Variants in MLLT3 observed in about 807,000 individuals in gnomAD.
The protein encoded by MLLT3 is MLLT3 super elongation complex subunit.
In MLLT3, 4 loss-of-function variants were observed where a neutral mutation model predicts 53.2. That is an observed-to-expected ratio of 0.08 (90% CI 0.04 to 0.17). The LOEUF (loss-of-function observed/expected upper bound fraction) is 0.17. Among genes scored for constraint, MLLT3 ranks in the 10% least tolerant of loss-of-function variants. The pLI is 1.00. For synonymous variants in MLLT3, 283 were observed against 230.6 expected, an observed-to-expected ratio of 1.23 and a Z score of -2.06; for missense variants, 569 against 684.0, an observed-to-expected ratio of 0.83 and a Z score of 1.87.
At chr9:20,531,138 C>A (rs1216364187) in intron 2 of MLLT3, among the ~76,000 whole-genome samples, 1 of 118,516 alleles carries the variant, frequency 8.4e-6, no homozygotes, top group African/African-American at 3.2e-5. Context: ...TATTCAGTTG[C>A]TTTTTTTTTT....
At chr9:20,453,499 GCTGCAGTGAGCTGAGA>G (rs1453419691) in intron 3 of MLLT3, among the ~76,000 whole-genome samples, 1 of 152,138 alleles carries the variant, frequency 6.6e-6, no homozygotes, top group Non-Finnish European at 1.5e-5. Context: ...GGAAGTGGAG[GCTGCAGTGAGCTGAGA>G]CTGCGCCACT....
chr9:20,383,988 A>G (rs973288351), intron 5 of MLLT3, among the ~76,000 whole-genome samples: 1 of 152,074 alleles, frequency 6.6e-6, no homozygotes, highest in African/African-American at 2.4e-5. Context: ...TAGAAAAAAG[A>G]AAGTGAAACT....
At chr9:20,581,868 T>C (rs1275513843) in intron 2 of MLLT3, among the ~76,000 whole-genome samples, 2 of 152,202 alleles carry the variant, frequency 1.3e-5, no homozygotes, top group Non-Finnish European at 2.9e-5. Flanking sequence ...TCTATATCAC[T>C]ATTTAAGGAG....
chr9:20,482,021 C>T (rs1014748489), intron 2 of MLLT3, among the ~76,000 whole-genome samples: 11 of 152,214 alleles, frequency 7.2e-5, no homozygotes, highest in African/African-American at 2.7e-4. Context: ...CCTCTCCTAC[C>T]TGTCTAGTTA....
At chr9:20,349,525 G>T (rs1246719315) in intron 10 of MLLT3, among the ~76,000 whole-genome samples, 2 of 147,806 alleles carry the variant, frequency 1.4e-5, no homozygotes, top group African/African-American at 5.0e-5. Flanking sequence ...AGAAAGGCCG[G>T]CTTGAATTAA....
chr9:20,350,878 A>C (rs1417923196), intron 10 of MLLT3, among the ~76,000 whole-genome samples: 4 of 152,224 alleles, frequency 2.6e-5, no homozygotes, highest in African/African-American at 4.8e-5. Context: ...TTATAATTTC[A>C]AAAACCAGGG....
chr9:20,439,611 G>A (rs969935689), intron 4 of MLLT3, among the ~76,000 whole-genome samples: 1 of 152,046 alleles, frequency 6.6e-6, no homozygotes, highest in Non-Finnish European at 1.5e-5. Flanking sequence ...GGGGATGGCG[G>A]AGAAAGAAAG....
chr9:20,457,627 C>G (rs911339489), intron 2 of MLLT3, among the ~76,000 whole-genome samples: 3 of 152,036 alleles, frequency 2.0e-5, no homozygotes, highest in African/African-American at 7.2e-5. Flanking sequence ...TGCATAACCT[C>G]CCTCCTTCAC....
chr9:20,376,160 G>A (rs1163485952), intron 5 of MLLT3, among the ~76,000 whole-genome samples: 1 of 152,038 alleles, frequency 6.6e-6, no homozygotes, highest in African/African-American at 2.4e-5. Flanking sequence ...AGGTGGAACC[G>A]GGGAAAGGAC....
At chr9:20,397,044 G>T (rs1227861048) in intron 5 of MLLT3, among the ~76,000 whole-genome samples, 1 of 152,056 alleles carries the variant, frequency 6.6e-6, no homozygotes. Flanking sequence ...GTTTTCAGTG[G>T]GGTCTGAAAA....
intron 4 of MLLT3, among the ~76,000 whole-genome samples, chr9:20,423,147 C>A (rs1383272358): frequency 6.6e-6 from 1 of 152,104 alleles, no homozygotes; most frequent in African/African-American, 2.4e-5. Context: ...CCTCCTTCCT[C>A]ACCCCTTGCA....
Position 20,414,378 on chromosome 9 carries a change from ACTGCTGCTGCTGCTG to A in MLLT3, c.453_467del (p.Ser186_Ser190del). On this transcript the variant is annotated inframe_deletion, in exon 5 of 11. Coordinates refer to ENST00000380338, the MANE Select transcript of MLLT3 (RefSeq NM_004529.4). ...TGCTGCTGCTGCTGCTGCTGCTGCT[ACTGCTGCTGCTGCTG>A]CTGCTGCTGGTATGAATACTCCTAT... 7.2e-7 allele frequency: 1 copy of A among 1,395,414 alleles called. No individual in the cohort carries two copies. The highest frequency in any genetic ancestry group is 2.3e-5 in the East Asian group (1 of 43,418). 86.4% of individuals were successfully genotyped at this position (1,395,414 alleles called of 1,614,324 possible). A position where few individuals can be genotyped will look rare whatever the true frequency, so the allele number is the denominator to read the frequency against.
At chr9:20,509,730 T>C (rs889733248) in intron 2 of MLLT3, among the ~76,000 whole-genome samples, 1 of 152,218 alleles carries the variant, frequency 6.6e-6, no homozygotes, top group Non-Finnish European at 1.5e-5. Context: ...TAACCTGAAC[T>C]TTGTCTTACA....
At chr9:20,355,518 A>G (rs1821150800) in intron 8 of MLLT3, among the ~76,000 whole-genome samples, 1 of 152,250 alleles carries the variant, frequency 6.6e-6, no homozygotes, top group African/African-American at 2.4e-5. Flanking sequence ...CATACTGTAT[A>G]GAAGCTTTGG....
intron 2 of MLLT3, among the ~76,000 whole-genome samples, chr9:20,595,086 G>A (rs747872743): frequency 6.6e-6 from 1 of 152,058 alleles, no homozygotes; most frequent in Non-Finnish European, 1.5e-5. Flanking sequence ...GCAGGGTGCC[G>A]TGGCTCACAA....
intron 2 of MLLT3, among the ~76,000 whole-genome samples, chr9:20,572,775 T>C (rs1016938396): frequency 6.6e-6 from 1 of 152,082 alleles, no homozygotes; most frequent in Non-Finnish European, 1.5e-5. Context: ...GCCTGGGCAA[T>C]GGAGCAAGAC....
chr9:20,576,850 A>G (rs1819666397), intron 2 of MLLT3, among the ~76,000 whole-genome samples: 1 of 152,196 alleles, frequency 6.6e-6, no homozygotes, highest in Non-Finnish European at 1.5e-5. Flanking sequence ...TTACGAAAAC[A>G]CAATATCCAG....
chr9:20,479,173 T>C (rs1399710281), intron 2 of MLLT3, among the ~76,000 whole-genome samples: 4 of 152,162 alleles, frequency 2.6e-5, no homozygotes, highest in Non-Finnish European at 5.9e-5. Flanking sequence ...TAAATGTTTC[T>C]AATATGACAT....
intron 2 of MLLT3, among the ~76,000 whole-genome samples, chr9:20,462,729 C>G (rs965759314): frequency 7.9e-5 from 12 of 152,136 alleles, no homozygotes; most frequent in African/African-American, 2.9e-4. Flanking sequence ...CTACTTAATT[C>G]AGAGCTTTCC....
Sources: allele counts gnomAD v4.1 joint callset (sites outside exome capture counted in the v4.1 genomes callset), GRCh38; gene constraint gnomAD v4.1.1; transcripts MANE v1.5; gene names NCBI Gene and HGNC (gene_info 2026-07-23, HGNC 2026-07-21).